The following B3GALT1 variants were observed in gnomAD, a reference collection of about 807,000 sequenced individuals.
B3GALT1 encodes UDP-Gal:betaGlcNAc beta 1,3-galactosyltransferase, polypeptide 1.
Under a neutral mutation model 23.2 loss-of-function variants are expected in B3GALT1, and 10 were observed. The observed-to-expected ratio is 0.43, with a 90% CI of 0.27 to 0.73. The LOEUF is 0.73. Ranked by LOEUF, B3GALT1 falls within the 30% of genes least tolerant of loss-of-function variation. The pLI, the probability that B3GALT1 is intolerant of heterozygous loss-of-function variation, is 0.21. For synonymous variants in B3GALT1, 156 were observed against 141.5 expected, an observed-to-expected ratio of 1.10 and a Z score of -0.73; for missense variants, 299 against 405.4, an observed-to-expected ratio of 0.74 and a Z score of 2.25.
chr2:167,597,405 A>G (rs920834711), intron 2 of B3GALT1, among the ~76,000 whole-genome samples: 18 of 152,088 alleles, frequency 1.2e-4, no homozygotes, highest in African/African-American at 1.9e-4. Context: ...ATGAGCCACC[A>G]TGCCCAGCCC....
intron 2 of B3GALT1, among the ~76,000 whole-genome samples, chr2:167,634,046 C>G (rs911005428): frequency 1.3e-5 from 2 of 152,130 alleles, no homozygotes. Flanking sequence ...GAAATTCATT[C>G]AAAACCACAC....
chr2:167,777,681 A>AGG (rs1180511312), intron 3 of B3GALT1, among the ~76,000 whole-genome samples: 2 of 152,314 alleles, frequency 1.3e-5, no homozygotes, highest in Non-Finnish European at 2.9e-5. Context: ...ATTCTTGCAA[A>AGG]GGAGTACATT....
chr2:167,368,891 T>TC (rs140344966), intron 1 of B3GALT1, among the ~76,000 whole-genome samples: 3,118 of 150,394 alleles, frequency 0.021, 100 homozygotes, highest in African/African-American at 0.066. Context: ...ATTGCATGCT[T>TC]CCCCCCCCCA....
intron 2 of B3GALT1, among the ~76,000 whole-genome samples, chr2:167,516,344 A>G (rs999737023): frequency 1.3e-5 from 2 of 152,088 alleles, no homozygotes; most frequent in South Asian, 2.1e-4. Flanking sequence ...GTTCTCTAAA[A>G]TATAAACCTG....
chr2:167,320,798 T>C (rs1696799096), intron 1 of B3GALT1, among the ~76,000 whole-genome samples: 1 of 151,908 alleles, frequency 6.6e-6, no homozygotes, highest in Non-Finnish European at 1.5e-5. Context: ...AATTCAGGAG[T>C]AGTCATTGCC....
At chr2:167,325,228 C>T (rs1247068261) in intron 1 of B3GALT1, among the ~76,000 whole-genome samples, 1 of 151,206 alleles carries the variant, frequency 6.6e-6, no homozygotes, top group Non-Finnish European at 1.5e-5. Context: ...GGATAAATAT[C>T]CAGAGTTGTG....
chr2:167,402,306 A>T (rs1276897223), intron 1 of B3GALT1, among the ~76,000 whole-genome samples: 1 of 151,638 alleles, frequency 6.6e-6, no homozygotes, highest in Admixed American at 6.6e-5. Flanking sequence ...TATTTCTAAT[A>T]AAAAAAGTTT....
intron 1 of B3GALT1, among the ~76,000 whole-genome samples, chr2:167,374,647 T>C (rs1397986826): frequency 6.6e-6 from 1 of 152,196 alleles, no homozygotes; most frequent in Non-Finnish European, 1.5e-5. Flanking sequence ...TGGCTGCTTG[T>C]GTGTCTTCTT....
chr2:167,504,739 A>T (rs1052260677), intron 2 of B3GALT1, among the ~76,000 whole-genome samples: 2 of 152,200 alleles, frequency 1.3e-5, no homozygotes, highest in African/African-American at 4.8e-5. Flanking sequence ...GAAATGTTTG[A>T]ATACACAGAT....
At chr2:167,803,107 CACACACACACACA>C (rs1558983995) in intron 3 of B3GALT1, among the ~76,000 whole-genome samples, 3 of 151,182 alleles carry the variant, frequency 2.0e-5, no homozygotes, top group African/African-American at 7.4e-5. Context: ...CACACACACA[CACACACACACACA>C]CCCCTTGGTT....
intron 3 of B3GALT1, among the ~76,000 whole-genome samples, chr2:167,696,836 C>A (rs913174884): frequency 2.6e-5 from 4 of 152,136 alleles, no homozygotes; most frequent in Non-Finnish European, 4.4e-5. Flanking sequence ...TGAGTATTGG[C>A]AGCAACAGCT....
chr2:167,369,061 TTGTGTGTG>T (rs60938716), intron 1 of B3GALT1, among the ~76,000 whole-genome samples: 109 of 147,578 alleles, frequency 7.4e-4, no homozygotes, highest in African/African-American at 2.6e-3. Flanking sequence ...AAACTCTTAT[TTGTGTGTG>T]TGTGTGTGTG....
At chr2:167,544,978 C>T (rs1683604244) in intron 2 of B3GALT1, among the ~76,000 whole-genome samples, 1 of 147,866 alleles carries the variant, frequency 6.8e-6, no homozygotes, top group Non-Finnish European at 1.5e-5. Flanking sequence ...GTAAAGCTTC[C>T]ATGTGGTGGA....
intron 3 of B3GALT1, among the ~76,000 whole-genome samples, chr2:167,668,856 C>T (rs1225563978): frequency 6.6e-6 from 1 of 152,196 alleles, no homozygotes; most frequent in Non-Finnish European, 1.5e-5. Flanking sequence ...TCTGGCACTC[C>T]CTAGTGAGAT....
intron 1 of B3GALT1, among the ~76,000 whole-genome samples, chr2:167,354,029 A>G (rs1257734330): frequency 2.6e-5 from 4 of 152,188 alleles, no homozygotes; most frequent in Non-Finnish European, 5.9e-5. Context: ...TTCTGTAAAG[A>G]TGCTACCATT....
chr2:167,828,300 A>G (rs1372815932), intron 4 of B3GALT1, among the ~76,000 whole-genome samples: 4 of 152,222 alleles, frequency 2.6e-5, no homozygotes, highest in African/African-American at 7.2e-5. Flanking sequence ...GACTTCTCAC[A>G]TCTTTCCTAA....
chr2:167,392,088 C>G (rs1193134733), intron 1 of B3GALT1, among the ~76,000 whole-genome samples: 3 of 151,936 alleles, frequency 2.0e-5, no homozygotes, highest in African/African-American at 7.3e-5. Flanking sequence ...ATTGTCCAAG[C>G]AGACCTGTTT....
At chr2:167,402,369 CAAAT>C (rs1380394735) in intron 1 of B3GALT1, among the ~76,000 whole-genome samples, 1 of 151,968 alleles carries the variant, frequency 6.6e-6, no homozygotes, top group African/African-American at 2.4e-5. Flanking sequence ...AAATACCTAT[CAAAT>C]AAAGTGGAAT....
intron 1 of B3GALT1, among the ~76,000 whole-genome samples, chr2:167,451,018 T>C (rs945015512): frequency 2.0e-5 from 3 of 152,098 alleles, no homozygotes; most frequent in Non-Finnish European, 2.9e-5. Context: ...TGCATTTCTC[T>C]AAGTGCATCC....
Sources: gnomAD v4.1 joint callset for allele counts (sites outside exome capture counted in the v4.1 genomes callset) on GRCh38, gnomAD v4.1.1 for gene constraint, MANE v1.5 for transcripts, NCBI Gene and HGNC (gene_info 2026-07-23, HGNC 2026-07-21) for gene names.